The following FKBP4 variants were observed in gnomAD, a reference collection of about 807,000 sequenced individuals.
FKBP4 encodes peptidyl-prolyl cis-trans isomerase FKBP4.
Under a neutral mutation model 54.1 loss-of-function variants are expected in FKBP4, and 28 were observed. That is an observed-to-expected ratio of 0.52 (90% confidence interval 0.38 to 0.71). FKBP4 has a LOEUF of 0.71. Ranked by LOEUF, FKBP4 falls within the 30% of genes least tolerant of loss-of-function variation. FKBP4 has a pLI of 0.00. For missense variants in FKBP4, 493 were observed against 574.4 expected (o/e 0.86, Z 1.45); for synonymous variants, 223 against 216.1 (o/e 1.03, Z -0.28).
intron 9 of FKBP4, among the ~76,000 whole-genome samples, chr12:2,802,617 G>A (rs1268835827): frequency 6.6e-6 from 1 of 152,190 alleles, no homozygotes; most frequent in African/African-American, 2.4e-5. Context: ...CTAAAAACAC[G>A]AGTTTGAACT....
At position 2,805,282 on chromosome 12, in the gene FKBP4, C is replaced by T. The variant is rs904014194; in HGVS notation, c.*2024C>T. The stretch of plus-strand genomic sequence containing the variant: ...GGGCTTCTGTCCTCATCTGCAAAAT[C>T]GAAAGCATTCCTGAGGTTTCTTCCA... On this transcript the variant is annotated 3_prime_UTR_variant, in exon 10 of 10. Transcript: ENST00000001008. 1.2e-5 allele frequency: 5 copies of T among 424,628 alleles called. No individual in the cohort carries two copies. Among genetic ancestry groups the T allele is most frequent in the East Asian group, 1.4e-4 (2 of 14,032 alleles). 26.3% of individuals were successfully genotyped at this position (424,628 alleles called of 1,614,324 possible). A position where few individuals can be genotyped will look rare whatever the true frequency, so the allele number is the denominator to read the frequency against.
chr12:2,803,097 T>A (rs1052512833), intron 9 of FKBP4, 54 bp from the exon 10 acceptor site: 1 of 1,215,190 alleles, frequency 8.2e-7, no homozygotes, highest in Non-Finnish European at 1.2e-6. Context: ...GGAAATTAAG[T>A]GTGTGTTTTT....
chr12:2,797,309 A>G (rs757629270), intron 2 of FKBP4, 27 bp downstream of exon 2: 24 of 1,612,898 alleles, frequency 1.5e-5, no homozygotes, highest in Non-Finnish European at 2.0e-5. Context: ...GGCTGGTAGG[A>G]TAGGTTCGAG....
At position 2,798,820 on chromosome 12, in the gene FKBP4, G is replaced by C; in HGVS notation, c.508G>C (p.Val170Leu). Reference protein sequence around the residue: ...GYAKPNEGAIVEVALEGYYKD... With the variant: ...GYAKPNEGAILEVALEGYYKD... ...TGCTAAGCCCAATGAGGGTGCTATC[G>C]TGGAGGGTGAGACAGTACAGTCTGG... is the stretch of plus-strand genomic sequence containing the variant. Residue 170 changes from valine (V) to leucine (L), a missense_variant, in exon 4 of 10, where the codon GTG becomes CTG. Coordinates refer to ENST00000001008, the MANE Select transcript of FKBP4 (RefSeq NM_002014.4). This position sits in a 1 kb window ranked among gnomAD's most constrained non-coding sequence, Gnocchi z 4.3. The C allele has an allele frequency of 1.2e-6, 2 of 1,614,186 alleles. No individual in the cohort carries two copies. Among genetic ancestry groups the C allele is most frequent in the Non-Finnish European group, 1.7e-6 (2 of 1,180,032 alleles).
Position 2,803,404 on chromosome 12 carries a change from G to C in FKBP4, c.*146G>C, listed in dbSNP as rs1003616691. 2 of 631,812 alleles carry C rather than the reference G, an allele frequency of 3.2e-6. No homozygotes were observed. The highest frequency in any genetic ancestry group is 5.6e-6 in the Non-Finnish European group (2 of 356,156). The allele number at this position is 631,812 out of a possible 1,614,324, so 39.1% of individuals were successfully genotyped here. A position where few individuals can be genotyped will look rare whatever the true frequency, so the allele number is the denominator to read the frequency against. On this transcript the variant is annotated 3_prime_UTR_variant, in exon 10 of 10. Coordinates refer to ENST00000001008, the MANE Select transcript of FKBP4 (RefSeq NM_002014.4). ...TGGATGGTGGCTTTAGGGGAAGGGG[G>C]AAAGGTGTAGGCTGGGGGATTGAGG...
Position 2,798,680 on chromosome 12 carries a change from G to A in FKBP4, c.394-26G>A. The A allele has an allele frequency of 6.2e-7, 1 of 1,612,630 alleles. No homozygotes were observed. The highest frequency in any genetic ancestry group is 8.5e-7 in the Non-Finnish European group (1 of 1,179,882). ...ACTGCCCATGAGTTAGCATGGGAAG[G>A]AATTGTGTCACATCTTGTCCCACAG... On this transcript the variant is annotated intron_variant, in intron 3 of 9. Transcript: ENST00000001008. This position sits in a 1 kb window ranked among gnomAD's most constrained non-coding sequence, Gnocchi z 4.3.
chr12:2,801,967 A>C (rs2097905050), intron 9 of FKBP4, among the ~76,000 whole-genome samples: 1 of 152,002 alleles, frequency 6.6e-6, no homozygotes, highest in Non-Finnish European at 1.5e-5. Context: ...AACGTGCTCC[A>C]CCTATGATTT....
In FKBP4 at chr12:2,803,275, C is replaced by G; in HGVS notation, c.*17C>G. The G allele has an allele frequency of 6.5e-7, 1 of 1,537,470 alleles. No homozygotes were observed. Among genetic ancestry groups the G allele is most frequent in the Non-Finnish European group, 8.8e-7 (1 of 1,136,302 alleles). On this transcript the variant is annotated 3_prime_UTR_variant, in exon 10 of 10. Transcript: ENST00000001008. Reference sequence around the variant, plus strand: ...GAAGCATAGCCCCTCTCCACCAGCCCTACTCCTGCGGCTGCCTGCCCCCCA... The same window carrying G: ...GAAGCATAGCCCCTCTCCACCAGCCGTACTCCTGCGGCTGCCTGCCCCCCA...
At chr12:2,797,111 T>C in intron 1 of FKBP4, 27 bp from the exon 2 acceptor site, 1 of 1,611,544 alleles carries the variant, frequency 6.2e-7, no homozygotes, top group Non-Finnish European at 8.5e-7. Flanking sequence ...AACCCTGGGG[T>C]ACTCACTTTC....
intron 1 of FKBP4, chr12:2,796,809 C>T (rs1048837574): frequency 1.8e-6 from 2 of 1,100,098 alleles, no homozygotes; most frequent in Middle Eastern, 4.2e-4. Flanking sequence ...AATCTTCCAA[C>T]AACTGTAGGA....
Position 2,805,067 on chromosome 12 carries a change from T to C in FKBP4, c.*1809T>C, listed in dbSNP as rs1176793981. On this transcript the variant is annotated 3_prime_UTR_variant, in exon 10 of 10. Coordinates refer to ENST00000001008, the MANE Select transcript of FKBP4 (RefSeq NM_002014.4). ...CAATAATCACTAACTCAAGCATTTATGGAGTAAGCCTAGCACTGTACTGAC... is the reference window on the plus strand; with the variant it reads ...CAATAATCACTAACTCAAGCATTTACGGAGTAAGCCTAGCACTGTACTGAC... 6 of 372,986 alleles carry C rather than the reference T, an allele frequency of 1.6e-5. No homozygotes were observed. The highest frequency in any genetic ancestry group is 2.6e-5 in the Non-Finnish European group (5 of 188,846). The allele number at this position is 372,986 out of a possible 1,614,324, so 23.1% of individuals were successfully genotyped here. A position where few individuals can be genotyped will look rare whatever the true frequency, so the allele number is the denominator to read the frequency against.
At chr12:2,801,076 C>T (rs745383499) in intron 8 of FKBP4, 41 bp from the exon 9 acceptor site, 4 of 1,610,258 alleles carry the variant, frequency 2.5e-6, no homozygotes, top group South Asian at 1.1e-5. Context: ...AGCTACAAGC[C>T]CTGAGCTCCC....
intron 9 of FKBP4, chr12:2,801,745 C>T (rs1359911696): frequency 1.1e-5 from 4 of 354,052 alleles, no homozygotes; most frequent in African/African-American, 2.1e-5. Context: ...CAAAATGAAA[C>T]CCCATCTCAA....
At position 2,805,002 on chromosome 12, in the gene FKBP4, T is replaced by C. The variant is rs11062360; in HGVS notation, c.*1744T>C. The C allele has an allele frequency of 0.048, 14,812 of 308,558 alleles. 510 individuals are homozygous for C. Among genetic ancestry groups the C allele is most frequent in the Middle Eastern group, 0.072 (177 of 2,448 alleles). The allele number at this position is 308,558 out of a possible 1,614,324, so 19.1% of individuals were successfully genotyped here. A position where few individuals can be genotyped will look rare whatever the true frequency, so the allele number is the denominator to read the frequency against. On this transcript the variant is annotated 3_prime_UTR_variant, in exon 10 of 10. Transcript: ENST00000001008. Reference sequence around the variant, plus strand: ...TTTGTGGTTTGTGTCTGGGTCCTCTTGGTATTTCAAAAGTAGTAGATTCTT... The same window carrying C: ...TTTGTGGTTTGTGTCTGGGTCCTCTCGGTATTTCAAAAGTAGTAGATTCTT...
chr12:2,798,582 T>C lies in FKBP4; in HGVS notation c.394-124T>C, dbSNP rs1345716985. 1.6e-5 allele frequency: 24 copies of C among 1,529,222 alleles called. No homozygotes were observed. Among genetic ancestry groups the C allele is most frequent in the Non-Finnish European group, 2.1e-5 (24 of 1,124,376 alleles). The allele number at this position is 1,529,222 out of a possible 1,614,324, so 94.7% of individuals were successfully genotyped here. ...AAAAGTGCCACTCTACCCAACTCCT[T>C]GTGACTGCCCTTGTGGTCAGATCCG... On this transcript the variant is annotated intron_variant, in intron 3 of 9. Transcript: ENST00000001008. This position sits in a 1 kb window ranked among gnomAD's most constrained non-coding sequence, Gnocchi z 4.3.
intron 5 of FKBP4, 52 bp downstream of exon 5, chr12:2,799,296 G>A: frequency 6.9e-7 from 1 of 1,456,236 alleles, no homozygotes; most frequent in Non-Finnish European, 9.1e-7. Flanking sequence ...CAAGATCAAA[G>A]ATATAAAATG....
chr12:2,795,853 TCCCCA>T lies in FKBP4; in HGVS notation c.105+611_105+615del. The T allele has an allele frequency of 1.5e-6, 1 of 672,874 alleles. No individual in the cohort carries two copies. The highest frequency in any genetic ancestry group is 6.2e-5 in the South Asian group (1 of 16,222). The allele number at this position is 672,874 out of a possible 1,614,324, so 41.7% of individuals were successfully genotyped here. A position where few individuals can be genotyped will look rare whatever the true frequency, so the allele number is the denominator to read the frequency against. On this transcript the variant is annotated intron_variant, in intron 1 of 9. Transcript: ENST00000001008. The surrounding 1 kb of genome is among the most constrained non-coding windows in gnomAD (Gnocchi z 4.3). ...CTGCCGACGCCGGGACCCAGCGAGG[TCCCCA>T]CTCGCCGCGCGGCGCCCCCTCCCTC...
Position 2,795,283 on chromosome 12 carries a change from G to T in FKBP4, c.105+39G>T. On this transcript the variant is annotated intron_variant, in intron 1 of 9. Transcript: ENST00000001008. This position sits in a 1 kb window ranked among gnomAD's most constrained non-coding sequence, Gnocchi z 4.3. ...GGGCCTGCGGAGGCGTCGGAACCCG[G>T]GGCCCCGCGGGCCGCCCTTCCGCCG... 9.0e-7 allele frequency: 1 copy of T among 1,111,956 alleles called. No individual in the cohort carries two copies. The highest frequency in any genetic ancestry group is 1.1e-6 in the Non-Finnish European group (1 of 881,574). The allele number at this position is 1,111,956 out of a possible 1,614,324, so 68.9% of individuals were successfully genotyped here.
intron 1 of FKBP4, chr12:2,796,289 C>T (rs1379221642): frequency 5.4e-6 from 7 of 1,289,126 alleles, no homozygotes; most frequent in Non-Finnish European, 7.1e-6. Context: ...CAAGCGTCTG[C>T]TCCAGCGGCT....
Sources: allele counts gnomAD v4.1 joint callset (sites outside exome capture counted in the v4.1 genomes callset), GRCh38; gene constraint gnomAD v4.1.1; non-coding constraint Gnocchi (gnomAD v3.1); transcripts MANE v1.5; gene names NCBI Gene and HGNC (gene_info 2026-07-23, HGNC 2026-07-21).